CDH18: variants seen among roughly 807,000 people sequenced by gnomAD.
CDH18 encodes the protein cadherin 18.
CDH18 carries 31 observed loss-of-function variants against 67.9 expected under a neutral mutation model. The ratio of observed to expected loss-of-function variants is 0.46; its 90% CI spans 0.34 to 0.62. CDH18 has a LOEUF of 0.62. Among genes scored for constraint, CDH18 ranks in the 20% least tolerant of loss-of-function variants. CDH18 has a pLI of 0.01. For missense variants in CDH18, 890 were observed against 975.5 expected (o/e 0.91, Z 1.17); for synonymous variants, 362 against 347.2 (o/e 1.04, Z -0.48).
intron 1 of CDH18, among the ~76,000 whole-genome samples, chr5:20,542,661 A>AT (rs1403040408): frequency 6.6e-6 from 1 of 151,976 alleles, no homozygotes; most frequent in Non-Finnish European, 1.5e-5. Flanking sequence ...AGACAACTTT[A>AT]TTATTTTCCA....
chr5:19,810,325 C>T (rs62355782), intron 3 of CDH18, among the ~76,000 whole-genome samples: 8,509 of 150,946 alleles, frequency 0.056, 303 homozygotes, highest in Non-Finnish European at 0.076. Context: ...AGTGAGACTC[C>T]GTCTCAAAAA....
chr5:19,840,598 A>T (rs1161691304), intron 2 of CDH18, among the ~76,000 whole-genome samples: 1 of 152,088 alleles, frequency 6.6e-6, no homozygotes, highest in East Asian at 1.9e-4. Context: ...GCTACTCGAG[A>T]GACTGAGGCA....
chr5:19,559,921 C>CAAA (rs371611637), intron 8 of CDH18, among the ~76,000 whole-genome samples: 3 of 131,608 alleles, frequency 2.3e-5, no homozygotes, highest in Admixed American at 7.5e-5. Flanking sequence ...GTTGCAAAAA[C>CAAA]AAACAAAAAA....
intron 2 of CDH18, among the ~76,000 whole-genome samples, chr5:20,239,085 T>C (rs1325844930): frequency 6.6e-6 from 1 of 152,186 alleles, no homozygotes; most frequent in Non-Finnish European, 1.5e-5. Flanking sequence ...ATCATATGGA[T>C]ATATCTAAGT....
At chr5:20,273,721 A>G (rs149038817) in intron 1 of CDH18, among the ~76,000 whole-genome samples, 39 of 152,246 alleles carry the variant, frequency 2.6e-4, no homozygotes, top group African/African-American at 8.4e-4. Flanking sequence ...TCAGTTGTCT[A>G]TCATTAAAGC....
chr5:19,491,400 C>A (rs1362566055), intron 11 of CDH18, among the ~76,000 whole-genome samples: 3 of 152,134 alleles, frequency 2.0e-5, no homozygotes, highest in Non-Finnish European at 4.4e-5. Context: ...AGAAATTAAG[C>A]ATATTACAAC....
intron 1 of CDH18, among the ~76,000 whole-genome samples, chr5:20,528,587 G>A (rs1468051824): frequency 6.6e-6 from 1 of 152,032 alleles, no homozygotes; most frequent in Non-Finnish European, 1.5e-5. Context: ...TAGGACTCAA[G>A]ATTAAGAAAC....
At chr5:20,297,609 A>G (rs1747643430) in intron 1 of CDH18, among the ~76,000 whole-genome samples, 1 of 152,210 alleles carries the variant, frequency 6.6e-6, no homozygotes, top group South Asian at 2.1e-4. Context: ...GAGTCCCCAT[A>G]AACTGGATGC....
At chr5:20,331,284 A>G (rs1407713368) in intron 1 of CDH18, 1 of 152,160 alleles carries the variant, frequency 6.6e-6, no homozygotes, top group Non-Finnish European at 1.5e-5. Context: ...CCTATATGAT[A>G]AATGACTCTT....
At chr5:19,713,762 T>C (rs997187930) in intron 5 of CDH18, among the ~76,000 whole-genome samples, 3 of 152,130 alleles carry the variant, frequency 2.0e-5, no homozygotes, top group Non-Finnish European at 2.9e-5. Context: ...ATAGCAAACC[T>C]AATATACCTT....
chr5:19,932,183 G>A (rs1037420789), intron 2 of CDH18, among the ~76,000 whole-genome samples: 1 of 151,722 alleles, frequency 6.6e-6, no homozygotes, highest in South Asian at 2.1e-4. Flanking sequence ...TATAAGACAC[G>A]TTGGCACTTG....
chr5:20,559,568 C>T (rs530637833), intron 1 of CDH18, among the ~76,000 whole-genome samples: 77 of 151,898 alleles, frequency 5.1e-4, no homozygotes, highest in South Asian at 2.1e-3. Context: ...ACTTAGTATG[C>T]GCTCAAAAAG....
intron 2 of CDH18, among the ~76,000 whole-genome samples, chr5:19,975,885 G>A (rs1055723528): frequency 2.5e-5 from 3 of 119,126 alleles, no homozygotes; most frequent in South Asian, 3.0e-4. Context: ...AAATTTAAGT[G>A]TTAAAAATAC....
At chr5:20,163,248 C>A (rs1344967148) in intron 2 of CDH18, among the ~76,000 whole-genome samples, 1 of 151,860 alleles carries the variant, frequency 6.6e-6, no homozygotes, top group South Asian at 2.1e-4. Context: ...CCTGTTTCAC[C>A]CTAATGCCCT....
intron 1 of CDH18, among the ~76,000 whole-genome samples, chr5:20,476,271 A>G (rs989188182): frequency 6.6e-6 from 1 of 151,924 alleles, no homozygotes; most frequent in Non-Finnish European, 1.5e-5. Flanking sequence ...GCTGAGATGA[A>G]TTATTTTCAC....
chr5:20,395,075 A>C (rs374435306), intron 1 of CDH18, among the ~76,000 whole-genome samples: 77 of 152,270 alleles, frequency 5.1e-4, no homozygotes, highest in African/African-American at 1.8e-3. Flanking sequence ...TTCAATACAG[A>C]AATTCTATGA....
intron 10 of CDH18, among the ~76,000 whole-genome samples, chr5:19,514,685 A>T (rs187079111): frequency 4.6e-5 from 7 of 152,124 alleles, no homozygotes; most frequent in Non-Finnish European, 8.8e-5. Flanking sequence ...CCACTTTTTG[A>T]TGGGGTTGTT....
At chr5:19,884,004 A>T (rs1423971060) in intron 2 of CDH18, among the ~76,000 whole-genome samples, 1 of 152,044 alleles carries the variant, frequency 6.6e-6, no homozygotes, top group African/African-American at 2.4e-5. Flanking sequence ...TATCTTTTTA[A>T]TGTGTGATTA....
At chr5:20,405,253 A>T (rs977136939) in intron 1 of CDH18, among the ~76,000 whole-genome samples, 1 of 152,170 alleles carries the variant, frequency 6.6e-6, no homozygotes, top group Non-Finnish European at 1.5e-5. Context: ...AGACCAATGG[A>T]ACAGAACAGA....
Sources: gnomAD v4.1 joint callset for allele counts (sites outside exome capture counted in the v4.1 genomes callset) on GRCh38, gnomAD v4.1.1 for gene constraint, MANE v1.5 for transcripts, NCBI Gene and HGNC (gene_info 2026-07-23, HGNC 2026-07-21) for gene names.